MRTFA: variants seen among roughly 807,000 people sequenced by gnomAD.
The protein encoded by MRTFA is myocardin-related transcription factor A.
A neutral mutation model predicts 83.5 loss-of-function variants in MRTFA; 20 were observed. The ratio of observed to expected loss-of-function variants is 0.24; its 90% CI spans 0.17 to 0.35. MRTFA has a LOEUF of 0.35. Ranked by LOEUF, MRTFA falls within the 10% of genes least tolerant of loss-of-function variation. The pLI, the probability that MRTFA is intolerant of heterozygous loss-of-function variation, is 1.00. For synonymous variants in MRTFA, 659 were observed against 541.2 expected (o/e 1.22, Z -3.02); for missense variants, 1,200 against 1,224.7 (o/e 0.98, Z 0.30).
intron 3 of MRTFA, among the ~76,000 whole-genome samples, chr22:40,503,848 G>A (rs2054537319): frequency 6.6e-6 from 1 of 152,106 alleles, no homozygotes; most frequent in Non-Finnish European, 1.5e-5. Context: ...CTTGAACCCA[G>A]GAGGCAGAGG....
At chr22:40,533,000 C>T (rs1165857340) in intron 3 of MRTFA, among the ~76,000 whole-genome samples, 1 of 152,122 alleles carries the variant, frequency 6.6e-6, no homozygotes, top group East Asian at 1.9e-4. Context: ...GTTTTAAAAA[C>T]TCTGAATTGG....
chr22:40,573,739 TAA>T, intron 2 of MRTFA, among the ~76,000 whole-genome samples: 1 of 143,316 alleles, frequency 7.0e-6, no homozygotes. Flanking sequence ...CCTGTGTCTT[TAA>T]AAAAAAAAAA....
intron 7 of MRTFA, among the ~76,000 whole-genome samples, chr22:40,427,860 A>G (rs1326215141): frequency 6.6e-6 from 1 of 152,174 alleles, no homozygotes. Context: ...AACCTCCAGG[A>G]AAGTGGGGGT....
At chr22:40,549,698 T>C (rs1009201107) in intron 3 of MRTFA, among the ~76,000 whole-genome samples, 4 of 152,248 alleles carry the variant, frequency 2.6e-5, no homozygotes, top group Non-Finnish European at 2.9e-5. Flanking sequence ...TTTGTATTTA[T>C]GTTATACTTC....
chr22:40,613,622 A>C (rs2147418002), intron 1 of MRTFA, among the ~76,000 whole-genome samples: 1 of 151,720 alleles, frequency 6.6e-6, no homozygotes, highest in East Asian at 2.0e-4. Context: ...TTGGGATACT[A>C]AGACAGAAGG....
At chr22:40,472,386 G>A (rs940556671) in intron 3 of MRTFA, among the ~76,000 whole-genome samples, 3 of 152,192 alleles carry the variant, frequency 2.0e-5, no homozygotes, top group African/African-American at 4.8e-5. Flanking sequence ...TGCGAAGCAG[G>A]TTTAATCCAC....
chr22:40,576,221 G>A (rs1396880962), intron 2 of MRTFA, among the ~76,000 whole-genome samples: 1 of 151,838 alleles, frequency 6.6e-6, no homozygotes, highest in South Asian at 2.1e-4. Flanking sequence ...AGTACAGACG[G>A]GGTTTTGCCA....
intron 2 of MRTFA, among the ~76,000 whole-genome samples, chr22:40,591,315 A>G (rs1022068072): frequency 2.0e-5 from 3 of 152,058 alleles, no homozygotes; most frequent in Non-Finnish European, 4.4e-5. Context: ...AAAGAAAAAA[A>G]TAACTTTGAA....
At chr22:40,465,025 C>T (rs2053789962) in intron 3 of MRTFA, among the ~76,000 whole-genome samples, 1 of 152,142 alleles carries the variant, frequency 6.6e-6, no homozygotes, top group African/African-American at 2.4e-5. Flanking sequence ...TGGCCAGTTA[C>T]TCTTCCTCAA....
chr22:40,546,385 A>C (rs1343570445), intron 3 of MRTFA, among the ~76,000 whole-genome samples: 1 of 152,226 alleles, frequency 6.6e-6, no homozygotes, highest in Non-Finnish European at 1.5e-5. Context: ...AGTCGCTGGA[A>C]AGGTAGAGTT....
chr22:40,533,358 G>A (rs562055343), intron 3 of MRTFA, among the ~76,000 whole-genome samples: 12 of 152,178 alleles, frequency 7.9e-5, no homozygotes, highest in African/African-American at 2.6e-4. Flanking sequence ...ACAGGTCTCC[G>A]CAACTGAATA....
At chr22:40,564,046 A>G (rs945250610) in intron 2 of MRTFA, among the ~76,000 whole-genome samples, 2 of 152,230 alleles carry the variant, frequency 1.3e-5, no homozygotes, top group South Asian at 4.1e-4. Context: ...AGGAACTCAA[A>G]TCTTTGTCGC....
At chr22:40,484,953 T>A (rs1480533322) in intron 3 of MRTFA, among the ~76,000 whole-genome samples, 2 of 151,546 alleles carry the variant, frequency 1.3e-5, no homozygotes, top group African/African-American at 4.9e-5. Context: ...TGCCTGTAAA[T>A]CCCAGCTACT....
At chr22:40,417,537 G>A (rs2052710494) in intron 12 of MRTFA, 44 bp from the exon 13 acceptor site, 12 of 1,204,258 alleles carry the variant, frequency 1.0e-5, no homozygotes, top group Non-Finnish European at 1.3e-5. Flanking sequence ...AGGGGGCTGG[G>A]GGTGCAGACC....
intron 7 of MRTFA, 59 bp downstream of exon 7, chr22:40,429,547 A>G: frequency 6.2e-7 from 1 of 1,600,820 alleles, no homozygotes; most frequent in Non-Finnish European, 8.5e-7. Flanking sequence ...TCAGCCTGGC[A>G]CTCCCTCCCC....
chr22:40,459,312 C>A (rs557106272), intron 4 of MRTFA, among the ~76,000 whole-genome samples: 1 of 150,536 alleles, frequency 6.6e-6, no homozygotes, highest in Non-Finnish European at 1.5e-5. Flanking sequence ...CCAACAGGGA[C>A]GTAAATGAGG....
chr22:40,595,852 A>G (rs1173732960), intron 1 of MRTFA, among the ~76,000 whole-genome samples: 2 of 144,868 alleles, frequency 1.4e-5, no homozygotes, highest in African/African-American at 5.0e-5. Flanking sequence ...AATCAATGGT[A>G]TATCTAAAGT....
chr22:40,462,675 C>T (rs2053736179), intron 4 of MRTFA, among the ~76,000 whole-genome samples: 1 of 152,208 alleles, frequency 6.6e-6, no homozygotes, highest in Non-Finnish European at 1.5e-5. Context: ...TGGACTTCTG[C>T]ACCCACTGAG....
intron 3 of MRTFA, among the ~76,000 whole-genome samples, chr22:40,511,005 T>C (rs761331550): frequency 1.5e-4 from 23 of 152,076 alleles, no homozygotes; most frequent in Non-Finnish European, 2.9e-4. Flanking sequence ...ACAAATAAAA[T>C]AGCTTAAGTT....
Sources: gnomAD v4.1 joint callset for allele counts (sites outside exome capture counted in the v4.1 genomes callset) on GRCh38, gnomAD v4.1.1 for gene constraint, MANE v1.5 for transcripts, NCBI Gene and HGNC (gene_info 2026-07-23, HGNC 2026-07-21) for gene names.